The following NEGR1 variants were observed in gnomAD, a reference collection of about 807,000 sequenced individuals.
NEGR1 encodes IgLON family member 4.
In NEGR1, 10 loss-of-function variants were observed where a neutral mutation model predicts 40.9. The observed-to-expected ratio is 0.24, with a 90% CI of 0.15 to 0.42. The LOEUF is 0.42. NEGR1 is among the 10% of genes least tolerant of loss of function. The pLI, the probability that NEGR1 is intolerant of heterozygous loss-of-function variation, is 1.00. For synonymous variants in NEGR1, 185 were observed against 166.8 expected (o/e 1.11, Z -0.84); for missense variants, 352 against 438.9 (o/e 0.80, Z 1.77).
chr1:72,207,173 A>G (rs1653436939), intron 1 of NEGR1, among the ~76,000 whole-genome samples: 2 of 151,966 alleles, frequency 1.3e-5, no homozygotes, highest in South Asian at 2.1e-4. Flanking sequence ...AAAAAAAACA[A>G]AAGTCAATAT....
At chr1:71,608,249 C>T (rs975442525) in intron 5 of NEGR1, among the ~76,000 whole-genome samples, 10 of 152,138 alleles carry the variant, frequency 6.6e-5, no homozygotes, top group African/African-American at 2.4e-4. Context: ...TTCACAAGTG[C>T]ATTTGATTTT....
chr1:71,664,367 T>G (rs905160065), intron 4 of NEGR1, among the ~76,000 whole-genome samples: 1 of 152,222 alleles, frequency 6.6e-6, no homozygotes, highest in Non-Finnish European at 1.5e-5. Context: ...TGAATTTGGA[T>G]ATGGTAGTTC....
intron 4 of NEGR1, among the ~76,000 whole-genome samples, chr1:71,690,726 G>A (rs966676743): frequency 2.7e-5 from 4 of 148,734 alleles, no homozygotes; most frequent in Admixed American, 2.0e-4. Flanking sequence ...TCTTCCGTTT[G>A]GCGTGGAGTC....
At chr1:72,092,942 G>C (rs1557522671) in intron 1 of NEGR1, among the ~76,000 whole-genome samples, 1 of 152,080 alleles carries the variant, frequency 6.6e-6, no homozygotes, top group Non-Finnish European at 1.5e-5. Flanking sequence ...GTGAGCCACT[G>C]TACCTGACCT....
chr1:72,135,000 G>A (rs1349229814), intron 1 of NEGR1, among the ~76,000 whole-genome samples: 1 of 151,126 alleles, frequency 6.6e-6, no homozygotes, highest in East Asian at 2.0e-4. Flanking sequence ...GCCTCCCAAA[G>A]TGCTGGGATT....
chr1:71,514,218 C>G (rs1647101625), intron 6 of NEGR1, among the ~76,000 whole-genome samples: 1 of 97,066 alleles, frequency 1.0e-5, no homozygotes, highest in East Asian at 3.0e-4. Flanking sequence ...GGGTGGAGCC[C>G]ACCACAGCTC....
chr1:71,409,577 C>G (rs1646302370), intron 6 of NEGR1, among the ~76,000 whole-genome samples: 1 of 151,962 alleles, frequency 6.6e-6, no homozygotes, highest in African/African-American at 2.4e-5. Context: ...CTGACCACCT[C>G]TTTTGTGTCA....
intron 1 of NEGR1, among the ~76,000 whole-genome samples, chr1:72,059,445 GC>G (rs1333915837): frequency 1.3e-5 from 2 of 151,572 alleles, no homozygotes; most frequent in African/African-American, 4.8e-5. Context: ...GTTGTGACTT[GC>G]CAGATCTAGA....
At chr1:72,087,439 A>ATATAT (rs1553138421) in intron 1 of NEGR1, among the ~76,000 whole-genome samples, 1 of 149,514 alleles carries the variant, frequency 6.7e-6, no homozygotes, top group Admixed American at 6.7e-5. Context: ...TCAAAAAAAA[A>ATATAT]ATATATATAT....
chr1:71,535,359 G>T (rs1025524978), intron 6 of NEGR1, among the ~76,000 whole-genome samples: 13 of 151,806 alleles, frequency 8.6e-5, no homozygotes, highest in Middle Eastern at 3.4e-3. Context: ...AAGGATAGTA[G>T]AAACAAATAG....
In NEGR1 at chr1:71,898,743, G is replaced by C. The variant is rs145688752; in HGVS notation, c.409+36336C>G. Among the ~76,000 whole-genome samples, 4 of 150,072 alleles carry C rather than the reference G, an allele frequency of 2.7e-5. No individual in the cohort carries two copies. In the East Asian group the frequency reaches 7.8e-4, roughly 29 times the overall value. ...ATAATTGTGTTTAAATAAATGTTTG[G>C]ACGTTCAAAACCTATCTTGCAATAA... On this transcript the variant is annotated intron_variant, in intron 2 of 6. Coordinates refer to ENST00000357731, the MANE Select transcript of NEGR1 (RefSeq NM_173808.3).
In NEGR1 at chr1:71,397,387, C is replaced by T. The variant is rs898381997; in HGVS notation, c.*10059G>A. On this transcript the variant is annotated 3_prime_UTR_variant, in exon 7 of 7. Coordinates refer to ENST00000357731, the MANE Select transcript of NEGR1 (RefSeq NM_173808.3). ...TGTCACCCAGGCAGGAGTGCAGTGG[C>T]ATGATCTCAGCTCACTGCAACCTCT... The T allele has an allele frequency of 1.3e-5, 2 of 154,014 alleles. No homozygotes were observed. Among genetic ancestry groups the T allele is most frequent in the Non-Finnish European group, 2.9e-5 (2 of 69,540 alleles). The allele number at this position is 154,014 out of a possible 1,614,324, so 9.5% of individuals were successfully genotyped here. A position where few individuals can be genotyped will look rare whatever the true frequency, so the allele number is the denominator to read the frequency against.
At chr1:71,486,073 T>C (rs2101378171) in intron 6 of NEGR1, among the ~76,000 whole-genome samples, 1 of 151,790 alleles carries the variant, frequency 6.6e-6, no homozygotes, top group Middle Eastern at 3.4e-3. Context: ...CAGGAATGAA[T>C]AAGAGTTCCT....
intron 4 of NEGR1, among the ~76,000 whole-genome samples, chr1:71,652,146 T>G (rs1468542538): frequency 6.6e-6 from 1 of 152,172 alleles, no homozygotes; most frequent in Non-Finnish European, 1.5e-5. Context: ...AATCCTAAAA[T>G]CTGCATTCTT....
intron 2 of NEGR1, among the ~76,000 whole-genome samples, chr1:71,816,559 T>C (rs1047386154): frequency 5.9e-5 from 9 of 152,020 alleles, no homozygotes; most frequent in Non-Finnish European, 1.2e-4. Context: ...TTATTTACTA[T>C]CATGAGAACA....
intron 1 of NEGR1, among the ~76,000 whole-genome samples, chr1:71,969,777 C>T (rs1477565212): frequency 6.6e-6 from 1 of 152,172 alleles, no homozygotes; most frequent in Non-Finnish European, 1.5e-5. Flanking sequence ...CCTTGAGAAG[C>T]ATTGCACTGA....
intron 4 of NEGR1, among the ~76,000 whole-genome samples, chr1:71,675,284 C>T (rs897139824): frequency 1.3e-4 from 19 of 150,662 alleles, no homozygotes; most frequent in Non-Finnish European, 2.4e-4. Context: ...CTACTACTCA[C>T]TTTGCATGAA....
At chr1:72,046,534 A>G (rs1443435369) in intron 1 of NEGR1, among the ~76,000 whole-genome samples, 1 of 151,656 alleles carries the variant, frequency 6.6e-6, no homozygotes, top group Non-Finnish European at 1.5e-5. Flanking sequence ...GAAGCAACAG[A>G]TCTATGTTAG....
At chr1:71,997,782 T>G (rs1183309497) in intron 1 of NEGR1, among the ~76,000 whole-genome samples, 2 of 152,024 alleles carry the variant, frequency 1.3e-5, no homozygotes, top group East Asian at 3.9e-4. Flanking sequence ...AGTTACTTAT[T>G]TCTTCATCTA....
Sources: allele counts gnomAD v4.1 joint callset (sites outside exome capture counted in the v4.1 genomes callset), GRCh38; gene constraint gnomAD v4.1.1; transcripts MANE v1.5; gene names NCBI Gene and HGNC (gene_info 2026-07-23, HGNC 2026-07-21).